REC114: variants seen among roughly 807,000 people sequenced by gnomAD.
REC114 encodes the protein REC114 meiotic recombination protein.
REC114 carries 27 observed loss-of-function variants against 31.3 expected under a neutral mutation model. That is an observed-to-expected ratio of 0.86 (90% CI 0.64 to 1.19). The LOEUF (loss-of-function observed/expected upper bound fraction) is 1.19. Among genes scored for constraint, REC114 ranks in the 50% most tolerant of loss-of-function variants. REC114 has a pLI of 0.00. For synonymous variants in REC114, 134 were observed against 127.7 expected (o/e 1.05, Z -0.33); for missense variants, 344 against 326.9 (o/e 1.05, Z -0.40).
In REC114 at chr15:73,443,197, A is replaced by T; in HGVS notation, c.12A>T (p.Ala4=). The change falls in exon 1 of 6, where the codon GCA becomes GCT. Residue 4 remains alanine, a synonymous_variant. Coordinates refer to ENST00000331090, the MANE Select transcript of REC114 (RefSeq NM_001042367.2). ...TGGTGAGGCAGGACATGGCGGAGGC[A>T]GGAAAAGTGCCCTTGAGCCTCGGGC... is the stretch of plus-strand genomic sequence containing the variant. MAE[A]GKVPLSLGLT... is the part of the protein sequence containing the mutation. 1 of 1,570,390 alleles carries T rather than the reference A, an allele frequency of 6.4e-7. No individual in the cohort carries two copies. The highest frequency in any genetic ancestry group is 1.2e-5 in the South Asian group (1 of 85,138).
At chr15:73,556,851 C>T (rs1286991694) in intron 5 of REC114, among the ~76,000 whole-genome samples, 2 of 152,100 alleles carry the variant, frequency 1.3e-5, no homozygotes, top group African/African-American at 4.8e-5. Context: ...CAGGAGGATT[C>T]AGCTGTTAAC....
rs141531296 is a variant in REC114, at chr15:73,520,436, G to A, written c.250-20049G>A. Among the ~76,000 whole-genome samples, 1,506 of 152,204 alleles carry A rather than the reference G, an allele frequency of 9.9e-3. 20 individuals carry two copies. The highest frequency in any genetic ancestry group is 0.012 in the Non-Finnish European group (847 of 68,026). ...AGCAGAGACGGGGTTTCACCATGTT[G>A]GCCAGGCTGGTCTTGAACTCCTGAC... On this transcript the variant is annotated intron_variant, in intron 2 of 5. Coordinates refer to ENST00000331090, the MANE Select transcript of REC114 (RefSeq NM_001042367.2).
intron 1 of REC114, among the ~76,000 whole-genome samples, chr15:73,466,425 G>A (rs1247150403): frequency 6.6e-6 from 1 of 151,868 alleles, no homozygotes; most frequent in African/African-American, 2.4e-5. Context: ...GTGGTGGTAT[G>A]CACCTGTAAT....
chr15:73,494,934 G>T (rs1893497868), intron 2 of REC114, among the ~76,000 whole-genome samples: 1 of 152,130 alleles, frequency 6.6e-6, no homozygotes, highest in African/African-American at 2.4e-5. Flanking sequence ...AGCCTGGTTT[G>T]CTTTTAAAAC....
intron 2 of REC114, among the ~76,000 whole-genome samples, chr15:73,518,934 C>T (rs1893899224): frequency 6.6e-6 from 1 of 152,096 alleles, no homozygotes; most frequent in Non-Finnish European, 1.5e-5. Flanking sequence ...GGGCTGAATA[C>T]TAACTAATCT....
intron 4 of REC114, among the ~76,000 whole-genome samples, chr15:73,555,681 T>C (rs1894456800): frequency 6.6e-6 from 1 of 152,186 alleles, no homozygotes. Context: ...CCTATCCCCG[T>C]ACCACCCCAG....
At chr15:73,532,704 C>T (rs1378686377) in intron 2 of REC114, among the ~76,000 whole-genome samples, 7 of 152,156 alleles carry the variant, frequency 4.6e-5, no homozygotes, top group Admixed American at 1.3e-4. Flanking sequence ...AGATACTCCT[C>T]GAGAAGAGCA....
At chr15:73,550,864 A>T in intron 3 of REC114, 74 bp from the exon 4 acceptor site, 1 of 1,400,830 alleles carries the variant, frequency 7.1e-7, no homozygotes, top group Non-Finnish European at 1.0e-6. Context: ...CAAAGGAAAC[A>T]CTCAGTGGAA....
At chr15:73,454,759 C>T (rs1892894835) in intron 1 of REC114, among the ~76,000 whole-genome samples, 1 of 152,138 alleles carries the variant, frequency 6.6e-6, no homozygotes, top group South Asian at 2.1e-4. Flanking sequence ...TCCACAGGTT[C>T]CTTGATACCT....
chr15:73,556,900 A>G (rs1332146185), intron 5 of REC114, among the ~76,000 whole-genome samples: 2 of 152,084 alleles, frequency 1.3e-5, no homozygotes, highest in Admixed American at 1.3e-4. Context: ...CCCCTGCTGC[A>G]AAACCTCTTC....
At chr15:73,476,823 T>C (rs1056877200) in intron 2 of REC114, among the ~76,000 whole-genome samples, 1 of 152,230 alleles carries the variant, frequency 6.6e-6, no homozygotes, top group African/African-American at 2.4e-5. Context: ...TCAGCTGTTA[T>C]GAATAACACT....
intron 2 of REC114, among the ~76,000 whole-genome samples, chr15:73,510,923 G>A (rs1165198435): frequency 1.3e-5 from 2 of 152,264 alleles, no homozygotes; most frequent in South Asian, 2.1e-4. Context: ...TTGTGTCTCT[G>A]CCCGGCTTTG....
At chr15:73,551,880 A>T (rs909602144) in intron 4 of REC114, among the ~76,000 whole-genome samples, 2 of 152,120 alleles carry the variant, frequency 1.3e-5, no homozygotes, top group Admixed American at 6.6e-5. Context: ...ATCTTGAAAA[A>T]CTTGTATCTG....
At chr15:73,524,935 G>C (rs956913999) in intron 2 of REC114, among the ~76,000 whole-genome samples, 1 of 152,108 alleles carries the variant, frequency 6.6e-6, no homozygotes, top group African/African-American at 2.4e-5. Context: ...TTTAACAAGT[G>C]GGATCTAGAT....
intron 1 of REC114, among the ~76,000 whole-genome samples, chr15:73,450,219 C>G (rs144006936): frequency 0.025 from 3,817 of 152,160 alleles, 93 homozygotes; most frequent in African/African-American, 0.06. Context: ...CAAGACCCAT[C>G]AGTGTGCTGT....
At chr15:73,524,909 G>A (rs552955875) in intron 2 of REC114, among the ~76,000 whole-genome samples, 1 of 152,284 alleles carries the variant, frequency 6.6e-6, no homozygotes, top group East Asian at 1.9e-4. Context: ...CAAAAGCAGA[G>A]CTTTCAATGG....
At chr15:73,443,385 C>A in intron 1 of REC114, 41 bp downstream of exon 1, 4 of 1,529,338 alleles carry the variant, frequency 2.6e-6, no homozygotes, top group South Asian at 1.2e-5. Flanking sequence ...GTGCCCACAG[C>A]CCTCAGGAGG....
rs531917266 is a variant in REC114 at position 73,513,735 on chromosome 15, G to GC, written c.250-26750_250-26749insC. 2.4e-3 allele frequency among the ~76,000 whole-genome samples: 366 copies of GC among 151,982 alleles called. 4 individuals carry two copies. The highest frequency in any genetic ancestry group is 4.7e-3 in the Non-Finnish European group (320 of 67,858). ...GGTGTCAGTGTGCCCCTGCTGGGGGGTGCCTCCCAGTTAGGCTGCTCGGGG... is the reference window on the plus strand; with the variant it reads ...GGTGTCAGTGTGCCCCTGCTGGGGGGCTGCCTCCCAGTTAGGCTGCTCGGGG... On this transcript the variant is annotated intron_variant, in intron 2 of 5. Coordinates refer to ENST00000331090, the MANE Select transcript of REC114 (RefSeq NM_001042367.2).
intron 4 of REC114, among the ~76,000 whole-genome samples, chr15:73,553,336 C>T (rs1055456864): frequency 1.3e-5 from 2 of 152,180 alleles, no homozygotes; most frequent in African/African-American, 4.8e-5. Context: ...TAGTTTCAAA[C>T]AATAATGCTT....
Sources: gnomAD v4.1 joint callset for allele counts (sites outside exome capture counted in the v4.1 genomes callset) on GRCh38, gnomAD v4.1.1 for gene constraint, MANE v1.5 for transcripts, NCBI Gene and HGNC (gene_info 2026-07-23, HGNC 2026-07-21) for gene names.